The following SORCS2 variants were observed in gnomAD, a reference collection of about 807,000 sequenced individuals.
SORCS2 encodes sortilin related VPS10 domain containing receptor 2.
In SORCS2, 100 loss-of-function variants were observed where a neutral mutation model predicts 141.6. The ratio of observed to expected loss-of-function variants is 0.71; its 90% CI spans 0.60 to 0.83. The LOEUF is 0.83. Ranked by LOEUF, SORCS2 falls within the 40% of genes least tolerant of loss-of-function variation. The pLI is 0.00. For synonymous variants in SORCS2, 789 were observed against 676.9 expected, an observed-to-expected ratio of 1.17 and a Z score of -2.57; for missense variants, 1,646 against 1,560.2, an observed-to-expected ratio of 1.05 and a Z score of -0.93.
chr4:7,645,140 T>A (rs777820332), intron 4 of SORCS2, among the ~76,000 whole-genome samples: 2 of 152,198 alleles, frequency 1.3e-5, no homozygotes, highest in Non-Finnish European at 2.9e-5. Context: ...GACGACTCGC[T>A]TTTTAGGCAT....
chr4:7,256,539 T>C (rs903238043), intron 1 of SORCS2, among the ~76,000 whole-genome samples: 1 of 152,030 alleles, frequency 6.6e-6, no homozygotes, highest in Non-Finnish European at 1.5e-5. Context: ...ATTCATTGAA[T>C]ACCCACAAAT....
chr4:7,522,072 C>G (rs1442572265), intron 2 of SORCS2, among the ~76,000 whole-genome samples: 1 of 152,226 alleles, frequency 6.6e-6, no homozygotes, highest in Non-Finnish European at 1.5e-5. Flanking sequence ...AGGAGGTCCG[C>G]TTCATTAACC....
At chr4:7,346,598 C>T (rs1029601593) in intron 1 of SORCS2, among the ~76,000 whole-genome samples, 2 of 152,252 alleles carry the variant, frequency 1.3e-5, no homozygotes, top group South Asian at 4.1e-4. Context: ...TGATCTTCCA[C>T]CTACTTGCAC....
intron 3 of SORCS2, among the ~76,000 whole-genome samples, chr4:7,614,372 C>T (rs140471740): frequency 0.014 from 2,174 of 151,480 alleles, 21 homozygotes; most frequent in Middle Eastern, 0.045. Context: ...TGAATCCATC[C>T]ACCCATCCAC....
chr4:7,575,809 A>G (rs1000095495), intron 3 of SORCS2, among the ~76,000 whole-genome samples: 2 of 152,150 alleles, frequency 1.3e-5, no homozygotes, highest in Non-Finnish European at 2.9e-5. Context: ...CTTCTTTTCC[A>G]AGTTGAACCC....
At chr4:7,387,831 CACAT>C (rs1415156515) in intron 1 of SORCS2, among the ~76,000 whole-genome samples, 3 of 50,036 alleles carry the variant, frequency 6.0e-5, no homozygotes, top group Admixed American at 3.5e-4. Flanking sequence ...GATACACATG[CACAT>C]ACATACACAT....
At chr4:7,594,279 G>C (rs1207863805) in intron 3 of SORCS2, among the ~76,000 whole-genome samples, 2 of 152,230 alleles carry the variant, frequency 1.3e-5, no homozygotes, top group African/African-American at 2.4e-5. Context: ...GATCATAAAA[G>C]CTTGTCACCT....
chr4:7,436,752 C>T (rs1727329854), intron 2 of SORCS2, among the ~76,000 whole-genome samples: 1 of 152,248 alleles, frequency 6.6e-6, no homozygotes, highest in Non-Finnish European at 1.5e-5. Context: ...GATTTGTCTA[C>T]TCGACCCTTG....
At position 7,663,450 on chromosome 4, in the gene SORCS2, G is replaced by A. The variant is rs1388267207; in HGVS notation, c.953-903G>A. 6.6e-6 allele frequency among the ~76,000 whole-genome samples: 1 copy of A among 152,252 alleles called. No individual in the cohort carries two copies. The highest frequency in any genetic ancestry group is 2.4e-5 in the African/African-American group (1 of 41,466). On this transcript the variant is annotated intron_variant, in intron 6 of 26. Transcript: ENST00000507866. The surrounding 1 kb of genome is among the most constrained non-coding windows in gnomAD (Gnocchi z 4.8). Reference sequence around the variant, plus strand: ...CCACTGCAGGAAGTTCAGTGGTTCAGTGTTGAGTGCCGGGCACACCAGTCA... The same window carrying A: ...CCACTGCAGGAAGTTCAGTGGTTCAATGTTGAGTGCCGGGCACACCAGTCA...
At chr4:7,473,648 G>A (rs988924447) in intron 2 of SORCS2, among the ~76,000 whole-genome samples, 3 of 152,122 alleles carry the variant, frequency 2.0e-5, no homozygotes, top group Admixed American at 1.3e-4. Flanking sequence ...AGGCGTGTCC[G>A]TCACCCTGGA....
chr4:7,347,019 A>G (rs1371865708), intron 1 of SORCS2, among the ~76,000 whole-genome samples: 1 of 152,256 alleles, frequency 6.6e-6, no homozygotes, highest in Non-Finnish European at 1.5e-5. Flanking sequence ...GATTGAATGA[A>G]GAATAAGGTC....
Position 7,740,399 on chromosome 4 carries a change from C to G in SORCS2, c.*135C>G. On this transcript the variant is annotated 3_prime_UTR_variant, in exon 27 of 27. Coordinates refer to ENST00000507866, the MANE Select transcript of SORCS2 (RefSeq NM_020777.3). ...CGTCGCCACACCAGGCGACAGGCAC[C>G]ACCCCCTCTGATAAATCCAAGCCCG... The G allele has an allele frequency of 1.3e-6, 1 of 771,624 alleles. No individual in the cohort carries two copies. The highest frequency in any genetic ancestry group is 1.7e-5 in the African/African-American group (1 of 57,960). The allele number at this position is 771,624 out of a possible 1,614,324, so 47.8% of individuals were successfully genotyped here.
At chr4:7,728,962 A>C (rs1727416124) in intron 22 of SORCS2, among the ~76,000 whole-genome samples, 1 of 152,150 alleles carries the variant, frequency 6.6e-6, no homozygotes, top group Non-Finnish European at 1.5e-5. Context: ...GAGCCACCTG[A>C]GGCTATCACA....
chr4:7,431,177 T>G (rs564943121), intron 2 of SORCS2: 7 of 152,286 alleles, frequency 4.6e-5, no homozygotes, highest in Non-Finnish European at 7.3e-5. Flanking sequence ...GCCAGTGAGC[T>G]CCGTTCATCA....
intron 2 of SORCS2, among the ~76,000 whole-genome samples, chr4:7,456,546 G>C (rs761625447): frequency 2.6e-5 from 4 of 152,126 alleles, no homozygotes; most frequent in Non-Finnish European, 5.9e-5. Flanking sequence ...CTCCCCACCT[G>C]AGGACAACAA....
intron 2 of SORCS2, among the ~76,000 whole-genome samples, chr4:7,467,498 T>C (rs1729690751): frequency 6.6e-6 from 1 of 152,202 alleles, no homozygotes; most frequent in Non-Finnish European, 1.5e-5. Flanking sequence ...ATCTCATTCA[T>C]AAGGTGACAG....
In SORCS2 at chr4:7,193,199, G is replaced by GC; in HGVS notation, c.480+78dup. 7.2e-7 allele frequency: 1 copy of GC among 1,382,136 alleles called. No individual in the cohort carries two copies. Among genetic ancestry groups the GC allele is most frequent in the South Asian group, 1.6e-5 (1 of 60,614 alleles). The allele number at this position is 1,382,136 out of a possible 1,614,324, so 85.6% of individuals were successfully genotyped here. ...GGGACACCCGGGCGGGACCGCCACG[G>GC]CCCCCACCCCAGATCCCCACTATGG... On this transcript the variant is annotated intron_variant, in intron 1 of 26. Transcript: ENST00000507866. The surrounding 1 kb of genome is among the most constrained non-coding windows in gnomAD (Gnocchi z 4.8).
chr4:7,400,535 T>C (rs1375067694), intron 2 of SORCS2, among the ~76,000 whole-genome samples: 1 of 151,804 alleles, frequency 6.6e-6, no homozygotes, highest in East Asian at 1.9e-4. Context: ...ACCTGCCAGG[T>C]TTATCTTATT....
chr4:7,241,837 G>C (rs537922518), intron 1 of SORCS2, among the ~76,000 whole-genome samples: 1 of 152,130 alleles, frequency 6.6e-6, no homozygotes, highest in African/African-American at 2.4e-5. Flanking sequence ...ATCTGTGTGC[G>C]TGTGTGTGTG....
Sources: gnomAD v4.1 joint callset for allele counts (sites outside exome capture counted in the v4.1 genomes callset) on GRCh38, gnomAD v4.1.1 for gene constraint, Gnocchi (gnomAD v3.1) non-coding constraint, MANE v1.5 for transcripts, NCBI Gene and HGNC (gene_info 2026-07-23, HGNC 2026-07-21) for gene names.